Variants in PRKN observed in about 807,000 individuals in gnomAD.
PRKN encodes the protein parkin RBR E3 ubiquitin protein ligase.
A neutral mutation model predicts 59.5 loss-of-function variants in PRKN; 56 were observed. The ratio of observed to expected loss-of-function variants is 0.94; its 90% CI spans 0.76 to 1.18. The LOEUF (loss-of-function observed/expected upper bound fraction) is 1.18, where lower values mean the gene tolerates loss of function less well. Among genes scored for constraint, PRKN ranks in the 50% most tolerant of loss-of-function variants. The probability of loss-of-function intolerance (pLI) is 0.00; values close to 1 mark genes in which losing one functional copy is unlikely to be tolerated. For missense variants in PRKN, 657 were observed against 596.4 expected, an observed-to-expected ratio of 1.10 and a Z score of -1.06; for synonymous variants, 250 against 222.1, an observed-to-expected ratio of 1.13 and a Z score of -1.12.
At chr6:162,014,234 C>T (rs909230119) in intron 5 of PRKN, among the ~76,000 whole-genome samples, 1 of 152,190 alleles carries the variant, frequency 6.6e-6, no homozygotes, top group South Asian at 2.1e-4. Flanking sequence ...ACATTTCAGG[C>T]GGAGCATGGG....
chr6:161,532,141 A>ACT (rs773618878), intron 9 of PRKN, among the ~76,000 whole-genome samples: 17,244 of 133,300 alleles, frequency 0.13, 1,285 homozygotes, highest in Middle Eastern at 0.19. Context: ...TCTGTCTTGC[A>ACT]CTCTCTCTCT....
rs1786261208 is a variant in PRKN, at chr6:161,386,629, G to A, written c.1167+165C>T. ...GGAAGTCTACACTGTGCCCCAAGGA[G>A]GGGAGTCATTCTGGGAGAAGCCACG... On this transcript the variant is annotated intron_variant, in intron 10 of 11. Transcript: ENST00000366898. This position sits in a 1 kb window ranked among gnomAD's most constrained non-coding sequence, Gnocchi z 4.3. Among the ~76,000 whole-genome samples the A allele has an allele frequency of 6.6e-6, 1 of 152,198 alleles. No homozygotes were observed. Among genetic ancestry groups the A allele is most frequent in the South Asian group, 2.1e-4 (1 of 4,826 alleles).
chr6:162,550,597 A>C (rs565322462), intron 1 of PRKN, among the ~76,000 whole-genome samples: 83 of 152,244 alleles, frequency 5.5e-4, no homozygotes, highest in Admixed American at 2.0e-3. Flanking sequence ...TACTTGGTAA[A>C]GTTTCTGAGC....
chr6:162,514,149 A>T (rs1244224418), intron 1 of PRKN, among the ~76,000 whole-genome samples: 3 of 152,208 alleles, frequency 2.0e-5, no homozygotes, highest in Non-Finnish European at 4.4e-5. Context: ...ATTTTGCAGT[A>T]GACAAAAAAA....
intron 1 of PRKN, among the ~76,000 whole-genome samples, chr6:162,573,821 G>C (rs548555010): frequency 6.6e-6 from 1 of 152,282 alleles, no homozygotes; most frequent in Admixed American, 6.5e-5. Context: ...ATTCTGAATT[G>C]TGATCATTTA....
intron 7 of PRKN, among the ~76,000 whole-genome samples, chr6:161,598,279 A>G (rs1300401974): frequency 2.0e-5 from 3 of 152,246 alleles, no homozygotes; most frequent in Non-Finnish European, 2.9e-5. Flanking sequence ...AAACAGATGT[A>G]TACACGACAA....
intron 9 of PRKN, among the ~76,000 whole-genome samples, chr6:161,435,265 C>A (rs1788827612): frequency 6.6e-6 from 1 of 152,138 alleles, no homozygotes; most frequent in African/African-American, 2.4e-5. Flanking sequence ...TTTGGACATG[C>A]ATTATAAGCG....
intron 9 of PRKN, among the ~76,000 whole-genome samples, chr6:161,479,010 T>C (rs987296918): frequency 7.9e-5 from 12 of 152,252 alleles, no homozygotes; most frequent in East Asian, 5.8e-4. Context: ...AAACAATTTA[T>C]ACATAGAGTG....
intron 1 of PRKN, among the ~76,000 whole-genome samples, chr6:162,468,017 C>G (rs979340181): frequency 6.6e-6 from 1 of 152,166 alleles, no homozygotes; most frequent in Non-Finnish European, 1.5e-5. Flanking sequence ...AATTAAGCAG[C>G]CTCCCTAACT....
intron 4 of PRKN, among the ~76,000 whole-genome samples, chr6:162,092,422 G>A (rs181400679): frequency 6.4e-4 from 98 of 152,210 alleles, no homozygotes; most frequent in African/African-American, 2.3e-3. Context: ...TTGTTTTGAC[G>A]AAGTAACATT....
chr6:161,847,278 A>G (rs954219520), intron 6 of PRKN, among the ~76,000 whole-genome samples: 1 of 152,150 alleles, frequency 6.6e-6, no homozygotes, highest in Non-Finnish European at 1.5e-5. Flanking sequence ...ACTGTAGTCC[A>G]GCCTGGTGAC....
At chr6:162,078,087 G>T (rs1778908345) in intron 4 of PRKN, among the ~76,000 whole-genome samples, 1 of 151,628 alleles carries the variant, frequency 6.6e-6, no homozygotes, top group Admixed American at 6.6e-5. Context: ...TATGGGATAA[G>T]TTGAAATTTG....
intron 7 of PRKN, among the ~76,000 whole-genome samples, chr6:161,719,787 T>C (rs1373565357): frequency 6.6e-6 from 1 of 152,166 alleles, no homozygotes; most frequent in Non-Finnish European, 1.5e-5. Flanking sequence ...CCACCATGTA[T>C]GGCTATTTTG....
chr6:162,638,704 T>C (rs540538216), intron 1 of PRKN, among the ~76,000 whole-genome samples: 1 of 151,070 alleles, frequency 6.6e-6, no homozygotes, highest in South Asian at 2.1e-4. Context: ...TACTTCCGTT[T>C]GGTATTCTAG....
intron 7 of PRKN, among the ~76,000 whole-genome samples, chr6:161,570,293 T>C (rs11966425): frequency 0.019 from 2,853 of 146,626 alleles, 79 homozygotes; most frequent in African/African-American, 0.065. Flanking sequence ...TGTAAATATA[T>C]AATTTTATAG....
intron 7 of PRKN, among the ~76,000 whole-genome samples, chr6:161,757,659 A>G (rs2128197041): frequency 1.3e-5 from 2 of 151,902 alleles, no homozygotes; most frequent in African/African-American, 4.8e-5. Context: ...CCAACATGGC[A>G]AAATCCCATC....
At chr6:162,081,381 C>T (rs1779050734) in intron 4 of PRKN, among the ~76,000 whole-genome samples, 1 of 152,058 alleles carries the variant, frequency 6.6e-6, no homozygotes, top group Admixed American at 6.6e-5. Context: ...ACTCATTGAT[C>T]CATGGACTGC....
intron 9 of PRKN, among the ~76,000 whole-genome samples, chr6:161,439,951 G>T (rs1055632979): frequency 6.9e-5 from 8 of 115,610 alleles, no homozygotes; most frequent in Admixed American, 1.6e-4. Flanking sequence ...GTTTTGTTTT[G>T]TTTTTTGTTT....
chr6:162,243,354 G>T (rs190539752), intron 3 of PRKN, among the ~76,000 whole-genome samples: 110 of 152,204 alleles, frequency 7.2e-4, no homozygotes, highest in African/African-American at 2.6e-3. Flanking sequence ...ACTTATCAAT[G>T]ACAGCTCTTC....
Sources: gnomAD v4.1 joint callset for allele counts (sites outside exome capture counted in the v4.1 genomes callset) on GRCh38, gnomAD v4.1.1 for gene constraint, Gnocchi (gnomAD v3.1) non-coding constraint, MANE v1.5 for transcripts, NCBI Gene and HGNC (gene_info 2026-07-23, HGNC 2026-07-21) for gene names.